Variants in TAF4B observed in about 807,000 individuals in gnomAD.
TAF4B encodes TATA-box binding protein associated factor 4b.
A neutral mutation model predicts 86.4 loss-of-function variants in TAF4B; 38 were observed. The observed-to-expected ratio is 0.44, with a 90% CI of 0.34 to 0.58. The LOEUF (loss-of-function observed/expected upper bound fraction) is 0.58, where lower values mean the gene tolerates loss of function less well. Ranked by LOEUF, TAF4B falls within the 20% of genes least tolerant of loss-of-function variation. The pLI is 0.02. For missense variants in TAF4B, 988 were observed against 1,027.6 expected, an observed-to-expected ratio of 0.96 and a Z score of 0.53; for synonymous variants, 388 against 391.2, an observed-to-expected ratio of 0.99 and a Z score of 0.10.
intron 5 of TAF4B, among the ~76,000 whole-genome samples, chr18:26,280,076 A>G (rs1012218941): frequency 1.1e-4 from 17 of 151,662 alleles, no homozygotes; most frequent in African/African-American, 2.9e-4. Context: ...GAAAGGACTG[A>G]TTCTATACAT....
Position 26,286,468 on chromosome 18 carries a change from G to T in TAF4B, c.1559G>T (p.Gly520Val), listed in dbSNP as rs1404778425. Residue 520 changes from glycine (G) to valine (V), a missense_variant, in exon 7 of 15, where the codon GGG becomes GTG. Gly to Val is a moderately radical substitution (Grantham distance 109). Coordinates refer to ENST00000269142, the MANE Select transcript of TAF4B (RefSeq NM_005640.3). Reference sequence around the variant, plus strand: ...GGCCCTGTCCTTTCACAACCAGCTGGGATTCCACAGGCAGTTCAAGTCAAG... The same window carrying T: ...GGCCCTGTCCTTTCACAACCAGCTGTGATTCCACAGGCAGTTCAAGTCAAG... ...QPGPVLSQPA[G>V]IPQAVQVKQL... 6.2e-7 allele frequency: 1 copy of T among 1,612,740 alleles called. No individual in the cohort carries two copies. Among genetic ancestry groups the T allele is most frequent in the East Asian group, 2.2e-5 (1 of 44,876 alleles).
rs2144421589 is a variant in TAF4B at position 26,390,537 on chromosome 18, C to G, written c.*525C>G. The G allele has an allele frequency of 6.6e-6, 1 of 152,398 alleles. No individual in the cohort carries two copies. The highest frequency in any genetic ancestry group is 2.4e-5 in the African/African-American group (1 of 41,558). 9.4% of individuals were successfully genotyped at this position (152,398 alleles called of 1,614,324 possible). On this transcript the variant is annotated 3_prime_UTR_variant, in exon 15 of 15. Transcript: ENST00000269142. ...TGTGGTGACTTTGGTCGGCTGAGTT[C>G]CAGTGTTGTCAAAACAAGACAAATG...
intron 1 of TAF4B, among the ~76,000 whole-genome samples, chr18:26,236,627 A>G (rs1035465105): frequency 6.6e-6 from 1 of 152,098 alleles, no homozygotes; most frequent in Non-Finnish European, 1.5e-5. Context: ...CTTGCAAACC[A>G]CACTAATAAC....
chr18:26,250,682 A>G (rs1225141848), intron 1 of TAF4B, among the ~76,000 whole-genome samples: 1 of 152,170 alleles, frequency 6.6e-6, no homozygotes, highest in Non-Finnish European at 1.5e-5. Context: ...GCAGTAATAA[A>G]TAGGGTAGAT....
chr18:26,373,849 A>T (rs1598838133), intron 14 of TAF4B, among the ~76,000 whole-genome samples: 1 of 152,084 alleles, frequency 6.6e-6, no homozygotes, highest in African/African-American at 2.4e-5. Flanking sequence ...GCTTGCTTGG[A>T]ATTTAGTAGT....
chr18:26,229,814 T>C (rs1463961034), intron 1 of TAF4B, among the ~76,000 whole-genome samples: 4 of 152,226 alleles, frequency 2.6e-5, no homozygotes, highest in African/African-American at 9.6e-5. Flanking sequence ...AATCTTGTAC[T>C]ATTTCCTTTG....
At chr18:26,256,077 T>G (rs778950201) in intron 1 of TAF4B, 3 of 1,409,416 alleles carry the variant, frequency 2.1e-6, no homozygotes, top group Non-Finnish European at 3.0e-6. Context: ...AGAGTCACTT[T>G]CTTTGGTTTC....
chr18:26,390,666 G>T lies in TAF4B; in HGVS notation c.*654G>T. On this transcript the variant is annotated 3_prime_UTR_variant, in exon 15 of 15. Coordinates refer to ENST00000269142, the MANE Select transcript of TAF4B (RefSeq NM_005640.3). The stretch of plus-strand genomic sequence containing the variant: ...TGCTTGTCAGGGAAACCTTAAAATT[G>T]AATCTACTGATATATCTTGTTGAAA... 6.6e-6 allele frequency: 1 copy of T among 152,306 alleles called. No homozygotes were observed. Among genetic ancestry groups the T allele is most frequent in the Non-Finnish European group, 1.5e-5 (1 of 68,040 alleles). 9.4% of individuals were successfully genotyped at this position (152,306 alleles called of 1,614,324 possible).
At position 26,228,990 on chromosome 18, in the gene TAF4B, C is replaced by T. The variant is rs562314064; in HGVS notation, c.343+1714C>T. The stretch of plus-strand genomic sequence containing the variant: ...CCAATGCCAGGCAACCCATAGGTGT[C>T]GGGGGAGTTTTAGCTCAGGTCTGTT... On this transcript the variant is annotated intron_variant, in intron 1 of 14. Coordinates refer to ENST00000269142, the MANE Select transcript of TAF4B (RefSeq NM_005640.3). 5.9e-5 allele frequency among the ~76,000 whole-genome samples: 9 copies of T among 151,922 alleles called. No individual in the cohort carries two copies. The East Asian group carries it at 1.5e-3, about 26-fold the overall frequency.
chr18:26,342,431 C>G (rs2057144034), intron 13 of TAF4B, among the ~76,000 whole-genome samples: 1 of 152,196 alleles, frequency 6.6e-6, no homozygotes, highest in Admixed American at 6.5e-5. Context: ...CATTCTTCAG[C>G]TAGTACCTCT....
intron 5 of TAF4B, among the ~76,000 whole-genome samples, chr18:26,278,494 G>C (rs1402804902): frequency 6.6e-6 from 1 of 151,890 alleles, no homozygotes; most frequent in Non-Finnish European, 1.5e-5. Flanking sequence ...TTTTTGTAGT[G>C]ACAGGGTTTC....
intron 9 of TAF4B, among the ~76,000 whole-genome samples, chr18:26,298,374 G>A (rs1598773207): frequency 6.6e-6 from 1 of 151,202 alleles, no homozygotes; most frequent in African/African-American, 2.4e-5. Flanking sequence ...GACTATAGGC[G>A]CCCGCAACCA....
At position 26,240,956 on chromosome 18, in the gene TAF4B, C is replaced by G. The variant is rs147967529; in HGVS notation, c.343+13680C>G. 2.1e-3 allele frequency among the ~76,000 whole-genome samples: 316 copies of G among 152,124 alleles called. 1 individual carries two copies. The highest frequency in any genetic ancestry group is 6.1e-3 in the African/African-American group (253 of 41,518). On this transcript the variant is annotated intron_variant, in intron 1 of 14. Coordinates refer to ENST00000269142, the MANE Select transcript of TAF4B (RefSeq NM_005640.3). ...AAGCCAACTTGATCATGGTGGAAAACCTTTTGATGTGCTGCTGGATTCGGT... is the reference window on the plus strand; with the variant it reads ...AAGCCAACTTGATCATGGTGGAAAAGCTTTTGATGTGCTGCTGGATTCGGT...
rs2055939256 is a variant in TAF4B at position 26,247,188 on chromosome 18, A to T, written c.344-17982A>T. Among the ~76,000 whole-genome samples the T allele has an allele frequency of 3.3e-5, 5 of 152,330 alleles. No homozygotes were observed. The South Asian group carries it at 1.0e-3, about 32-fold the overall frequency. On this transcript the variant is annotated intron_variant, in intron 1 of 14. Transcript: ENST00000269142. Reference sequence around the variant, plus strand: ...CCTAATCTCATTCTTAATGTCAGCTATATTGTCTCTAAAATACGGTTAATA... The same window carrying T: ...CCTAATCTCATTCTTAATGTCAGCTTTATTGTCTCTAAAATACGGTTAATA...
chr18:26,355,747 A>C (rs1382709414), intron 13 of TAF4B, among the ~76,000 whole-genome samples: 1 of 152,242 alleles, frequency 6.6e-6, no homozygotes, highest in African/African-American at 2.4e-5. Flanking sequence ...GAAGGACTTT[A>C]AAATATAGCT....
intron 12 of TAF4B, among the ~76,000 whole-genome samples, chr18:26,329,655 C>G (rs1316855829): frequency 1.3e-5 from 2 of 152,332 alleles, no homozygotes; most frequent in East Asian, 3.9e-4. Flanking sequence ...CAGGGCTCAT[C>G]TGATCTTTCC....
In TAF4B at chr18:26,391,033, G is replaced by A. The variant is rs1278583904; in HGVS notation, c.*1021G>A. The stretch of plus-strand genomic sequence containing the variant: ...GTTATCCTAATTTTTAAGCATGTTG[G>A]CACATTTAAAAAATCCTAATTGATG... On this transcript the variant is annotated 3_prime_UTR_variant, in exon 15 of 15. Transcript: ENST00000269142. 2 of 151,984 alleles carry A rather than the reference G, an allele frequency of 1.3e-5. No individual in the cohort carries two copies. The highest frequency in any genetic ancestry group is 2.9e-5 in the Non-Finnish European group (2 of 67,966). 9.4% of individuals were successfully genotyped at this position (151,984 alleles called of 1,614,324 possible). A position where few individuals can be genotyped will look rare whatever the true frequency, so the allele number is the denominator to read the frequency against.
chr18:26,322,735 G>T (rs1032350242), intron 11 of TAF4B, among the ~76,000 whole-genome samples: 2 of 151,532 alleles, frequency 1.3e-5, no homozygotes, highest in Non-Finnish European at 2.9e-5. Context: ...TTTTGATTTC[G>T]TGTATCTCCA....
chr18:26,347,185 G>A (rs1368713739), intron 13 of TAF4B, among the ~76,000 whole-genome samples: 1 of 151,726 alleles, frequency 6.6e-6, no homozygotes, highest in Non-Finnish European at 1.5e-5. Flanking sequence ...CTCCCAAAGT[G>A]CTGGGATTAC....
Sources: allele counts gnomAD v4.1 joint callset (sites outside exome capture counted in the v4.1 genomes callset), GRCh38; gene constraint gnomAD v4.1.1; transcripts MANE v1.5; gene names NCBI Gene and HGNC (gene_info 2026-07-23, HGNC 2026-07-21).